The following LRRFIP1 variants were observed in gnomAD, a reference collection of about 807,000 sequenced individuals.
The protein encoded by LRRFIP1 is leucine-rich repeat flightless-interacting protein 1.
In LRRFIP1, 62 loss-of-function variants were observed where a neutral mutation model predicts 104.4. The ratio of observed to expected loss-of-function variants is 0.59; its 90% CI spans 0.48 to 0.73. LRRFIP1 has a LOEUF of 0.73. Ranked by LOEUF, LRRFIP1 falls within the 30% of genes least tolerant of loss-of-function variation. The pLI, the probability that LRRFIP1 is intolerant of heterozygous loss-of-function variation, is 0.00. For synonymous variants in LRRFIP1, 300 were observed against 299.0 expected (o/e 1.00, Z -0.03); for missense variants, 796 against 824.5 (o/e 0.97, Z 0.42).
chr2:237,677,525 C>T (rs1215614802), intron 1 of LRRFIP1, among the ~76,000 whole-genome samples: 1 of 152,172 alleles, frequency 6.6e-6, no homozygotes, highest in Non-Finnish European at 1.5e-5. Context: ...GGCACAGTAG[C>T]TCATATCTAT....
rs1238088919 is a variant in LRRFIP1 at position 237,627,735 on chromosome 2, C to T, written c.91C>T (p.Arg31Trp). The T allele has an allele frequency of 4.6e-6, 6 of 1,304,024 alleles. No homozygotes were observed. The highest frequency in any genetic ancestry group is 5.9e-6 in the Non-Finnish European group (6 of 1,018,654). The allele number at this position is 1,304,024 out of a possible 1,614,324, so 80.8% of individuals were successfully genotyped here. A position where few individuals can be genotyped will look rare whatever the true frequency, so the allele number is the denominator to read the frequency against. ...AEDDALNQIA[R>W]EAEARLAAKR... The stretch of plus-strand genomic sequence containing the variant: ...GGACGACGCGCTCAACCAGATCGCG[C>T]GGGAGGTGAGCGCTCCGGGAGGGCA... Residue 31 changes from arginine (R) to tryptophan (W), a missense_variant, in exon 1 of 24, where the codon CGG (arginine) becomes TGG (tryptophan). Coordinates refer to ENST00000308482, the MANE Select transcript of LRRFIP1 (RefSeq NM_001137550.2).
chr2:237,690,736 CAAAAAA>C (rs66463256), intron 1 of LRRFIP1, among the ~76,000 whole-genome samples: 11 of 116,398 alleles, frequency 9.5e-5, no homozygotes, highest in African/African-American at 2.7e-4. Context: ...GACTCCATCT[CAAAAAA>C]AAAAAAAAGA....
intron 1 of LRRFIP1, chr2:237,692,066 T>TGGGGCG: frequency 7.9e-6 from 3 of 381,618 alleles, no homozygotes; most frequent in Non-Finnish European, 9.3e-6. Context: ...AGGCGGGTCA[T>TGGGGCG]GGGGCGGGGG....
intron 18 of LRRFIP1, 104 bp downstream of exon 18, chr2:237,758,925 T>C (rs2279640): frequency 0.06 from 41,478 of 687,650 alleles, 2,186 homozygotes; most frequent in African/African-American, 0.23. Flanking sequence ...TAATTCATTT[T>C]ATGTCATTTA....
rs1266889400 is a variant in LRRFIP1, at chr2:237,691,564, GC to G, written c.97-16977del. ...TCTCGGGATGCCGCGTTAGTGGGGT[GC>G]CCGGCCGGCAGGTGCAGCGGTGCTG... On this transcript the variant is annotated intron_variant, in intron 1 of 23. Transcript: ENST00000308482. The surrounding 1 kb of genome is among the most constrained non-coding windows in gnomAD (Gnocchi z 5.4). Among the ~76,000 whole-genome samples the G allele has an allele frequency of 6.6e-6, 1 of 152,240 alleles. No individual in the cohort carries two copies. The highest frequency in any genetic ancestry group is 1.9e-4 in the East Asian group (1 of 5,186).
At chr2:237,680,553 G>A (rs540903866) in intron 1 of LRRFIP1, among the ~76,000 whole-genome samples, 3 of 152,200 alleles carry the variant, frequency 2.0e-5, no homozygotes, top group Non-Finnish European at 4.4e-5. Context: ...TCAGAGACTT[G>A]AGCATCTCCA....
At chr2:237,650,883 G>A (rs2085825021) in intron 1 of LRRFIP1, among the ~76,000 whole-genome samples, 1 of 152,166 alleles carries the variant, frequency 6.6e-6, no homozygotes, top group Non-Finnish European at 1.5e-5. Flanking sequence ...AGTGTGGGAA[G>A]CTGGGTAAAT....
At chr2:237,647,070 A>G (rs1376883578) in intron 1 of LRRFIP1, among the ~76,000 whole-genome samples, 2 of 152,052 alleles carry the variant, frequency 1.3e-5, no homozygotes, top group Non-Finnish European at 2.9e-5. Context: ...CCCACTTAAC[A>G]GTATCCTCTG....
At chr2:237,696,018 C>T (rs1017524708) in intron 1 of LRRFIP1, among the ~76,000 whole-genome samples, 5 of 150,166 alleles carry the variant, frequency 3.3e-5, no homozygotes, top group Non-Finnish European at 7.4e-5. Flanking sequence ...ATATGTATTC[C>T]GAGACTCATT....
chr2:237,629,467 C>CTTTTTTTT (rs745503726), intron 1 of LRRFIP1, among the ~76,000 whole-genome samples: 2 of 117,370 alleles, frequency 1.7e-5, no homozygotes, highest in Non-Finnish European at 3.4e-5. Context: ...TTTCTTTCTT[C>CTTTTTTTT]TTTTTTTTTT....
chr2:237,765,844 C>T, intron 19 of LRRFIP1: 1 of 976,242 alleles, frequency 1.0e-6, no homozygotes, highest in Non-Finnish European at 1.2e-6. Context: ...GCAAAAAGAC[C>T]AAAACCTCAA....
intron 1 of LRRFIP1, among the ~76,000 whole-genome samples, chr2:237,695,945 C>G (rs2093155377): frequency 6.6e-6 from 1 of 152,072 alleles, no homozygotes; most frequent in Admixed American, 6.5e-5. Context: ...GTATAATCCC[C>G]CTGCCCCAGG....
intron 19 of LRRFIP1, chr2:237,769,354 C>CTG (rs2060438933): frequency 1.3e-5 from 2 of 152,544 alleles, no homozygotes; most frequent in Admixed American, 1.3e-4. Flanking sequence ...CCTTATATAT[C>CTG]GGGTCCAGGA....
intron 13 of LRRFIP1, 51 bp from the exon 14 acceptor site, chr2:237,751,149 A>C (rs2058577127): frequency 7.8e-7 from 1 of 1,276,902 alleles, no homozygotes; most frequent in East Asian, 2.4e-5. Context: ...AGATTTAGGG[A>C]ATCACCTGTT....
intron 1 of LRRFIP1, among the ~76,000 whole-genome samples, chr2:237,674,082 G>A (rs1450815896): frequency 3.3e-5 from 5 of 152,232 alleles, no homozygotes; most frequent in Non-Finnish European, 7.3e-5. Context: ...GGAAGGAAAT[G>A]CAGGGAAGGG....
At chr2:237,730,943 A>AACAAACAAACAG (rs2094976480) in intron 8 of LRRFIP1, among the ~76,000 whole-genome samples, 1 of 149,120 alleles carries the variant, frequency 6.7e-6, no homozygotes, top group Non-Finnish European at 1.5e-5. Flanking sequence ...CAAACAAACA[A>AACAAACAAACAG]ACAAATAGAA....
chr2:237,742,352 G>A (rs930450171), intron 11 of LRRFIP1, among the ~76,000 whole-genome samples: 1 of 152,154 alleles, frequency 6.6e-6, no homozygotes, highest in Non-Finnish European at 1.5e-5. Context: ...CGCAGTGAGG[G>A]ACAAGGCTGT....
chr2:237,766,893 G>A lies in LRRFIP1; in HGVS notation c.1460-3050G>A, dbSNP rs893320738. Among the ~76,000 whole-genome samples, 4 of 152,272 alleles carry A rather than the reference G, an allele frequency of 2.6e-5. No individual in the cohort carries two copies. Among genetic ancestry groups the A allele is most frequent in the East Asian group, 1.9e-4 (1 of 5,190 alleles). On this transcript the variant is annotated intron_variant, in intron 19 of 23. Transcript: ENST00000308482. This position sits in a 1 kb window ranked among gnomAD's most constrained non-coding sequence, Gnocchi z 4.8. Reference sequence around the variant, plus strand: ...AACTTATCAAGAAATGGTTGAGGCCGGGCACATTGGCTCATGCCTATAATC... The same window carrying A: ...AACTTATCAAGAAATGGTTGAGGCCAGGCACATTGGCTCATGCCTATAATC...
At chr2:237,647,329 T>C (rs2149362075) in intron 1 of LRRFIP1, among the ~76,000 whole-genome samples, 1 of 152,134 alleles carries the variant, frequency 6.6e-6, no homozygotes, top group Admixed American at 6.5e-5. Context: ...TGGCTTCTGC[T>C]GTCAGCACAG....
Sources: allele counts gnomAD v4.1 joint callset (sites outside exome capture counted in the v4.1 genomes callset), GRCh38; gene constraint gnomAD v4.1.1; non-coding constraint Gnocchi (gnomAD v3.1); transcripts MANE v1.5; gene names NCBI Gene and HGNC (gene_info 2026-07-23, HGNC 2026-07-21).